Variants in FAT3 observed in about 807,000 individuals in gnomAD.
FAT3 encodes the protein protocadherin Fat 3.
A neutral mutation model predicts 310.2 loss-of-function variants in FAT3; 95 were observed. That is an observed-to-expected ratio of 0.31 (90% CI 0.26 to 0.36). The LOEUF is 0.36. Among genes scored for constraint, FAT3 ranks in the 10% least tolerant of loss-of-function variants. The pLI is 1.00. For synonymous variants in FAT3, 2,314 were observed against 2,192.9 expected (o/e 1.06, Z -1.54); for missense variants, 5,408 against 5,715.6 (o/e 0.95, Z 1.74).
intron 4 of FAT3, among the ~76,000 whole-genome samples, chr11:92,720,961 A>T (rs74933799): frequency 0.012 from 1,810 of 152,250 alleles, 41 homozygotes; most frequent in African/African-American, 0.041. Context: ...CTTTTATTTA[A>T]GTTCAGTGGT....
At chr11:92,569,414 T>C (rs1447405735) in intron 3 of FAT3, among the ~76,000 whole-genome samples, 1 of 152,174 alleles carries the variant, frequency 6.6e-6, no homozygotes, top group Non-Finnish European at 1.5e-5. Flanking sequence ...TCAGCCAAAG[T>C]ATAAATGACA....
chr11:92,767,541 C>T (rs186630048), intron 6 of FAT3, among the ~76,000 whole-genome samples: 23 of 152,274 alleles, frequency 1.5e-4, no homozygotes, highest in African/African-American at 5.3e-4. Flanking sequence ...ATCCTACTGG[C>T]ATGCCTTTCT....
intron 2 of FAT3, among the ~76,000 whole-genome samples, chr11:92,386,620 G>A (rs1162327606): frequency 6.6e-6 from 1 of 152,214 alleles, no homozygotes; most frequent in African/African-American, 2.4e-5. Flanking sequence ...TTGAATGAAT[G>A]GATGTCAGTC....
At position 92,431,271 on chromosome 11, in the gene FAT3, G is replaced by A. The variant is rs1311729604; in HGVS notation, c.3292+75867G>A. ...TTTCTCTGACGGCCAGTGATGATGA[G>A]CATTTTTTCATGTGTCTTTTGGCTG... On this transcript the variant is annotated intron_variant, in intron 2 of 27. Coordinates refer to ENST00000525166, the MANE Select transcript of FAT3 (RefSeq NM_001367949.2). Among the ~76,000 whole-genome samples the A allele has an allele frequency of 3.3e-5, 5 of 152,266 alleles. No individual in the cohort carries two copies. In the East Asian group the frequency reaches 7.7e-4, roughly 23 times the overall value.
intron 6 of FAT3, among the ~76,000 whole-genome samples, chr11:92,771,885 G>A (rs1211195760): frequency 6.6e-6 from 1 of 152,072 alleles, no homozygotes; most frequent in Non-Finnish European, 1.5e-5. Context: ...CGATGATTAT[G>A]TATTTTTATA....
chr11:92,241,915 G>A (rs998078781), intron 1 of FAT3, among the ~76,000 whole-genome samples: 1 of 152,098 alleles, frequency 6.6e-6, no homozygotes, highest in East Asian at 1.9e-4. Context: ...TTACACACCT[G>A]TAGATACAAA....
rs112455935 is a variant in FAT3, at chr11:92,284,083, A to G, written c.-18+58909A>G. ...TCCTCAGAACCAAGCACAGCATAGG[A>G]TAAGCCTCAATAAATGTAGGGTGAA... On this transcript the variant is annotated intron_variant, in intron 1 of 27. Transcript: ENST00000525166. Among the ~76,000 whole-genome samples the G allele has an allele frequency of 9.1e-3, 1,385 of 152,248 alleles. 10 individuals carry two copies. The highest frequency in any genetic ancestry group is 0.031 in the African/African-American group (1,303 of 41,552).
intron 2 of FAT3, among the ~76,000 whole-genome samples, chr11:92,475,900 C>G (rs1184162923): frequency 2.6e-5 from 4 of 152,016 alleles, no homozygotes; most frequent in African/African-American, 9.7e-5. Flanking sequence ...ATGGAGAGAG[C>G]AGGTCATAAA....
chr11:92,728,865 G>A (rs1467034195), intron 4 of FAT3, among the ~76,000 whole-genome samples: 1 of 152,156 alleles, frequency 6.6e-6, no homozygotes, highest in African/African-American at 2.4e-5. Flanking sequence ...AAGGACATTA[G>A]TGATGTCATC....
intron 2 of FAT3, among the ~76,000 whole-genome samples, chr11:92,452,599 A>G (rs1422092161): frequency 6.6e-6 from 1 of 152,162 alleles, no homozygotes; most frequent in Non-Finnish European, 1.5e-5. Context: ...CACATACCCT[A>G]TAGGGATGGT....
chr11:92,244,991 G>A (rs1371663511), intron 1 of FAT3, among the ~76,000 whole-genome samples: 1 of 152,062 alleles, frequency 6.6e-6, no homozygotes, highest in African/African-American at 2.4e-5. Context: ...CCATTACTGG[G>A]TATATACCCA....
At chr11:92,809,108 A>G (rs1947592097) in intron 12 of FAT3, among the ~76,000 whole-genome samples, 1 of 152,180 alleles carries the variant, frequency 6.6e-6, no homozygotes, top group African/African-American at 2.4e-5. Flanking sequence ...CAACAAAAAT[A>G]TCTCCACAAA....
intron 2 of FAT3, among the ~76,000 whole-genome samples, chr11:92,357,998 TAAA>T (rs1324054781): frequency 8.3e-6 from 1 of 120,322 alleles, no homozygotes; most frequent in Non-Finnish European, 1.7e-5. Context: ...GTGGAATTCC[TAAA>T]AAAAAAAAAA....
At chr11:92,227,749 CTTCT>C (rs1283120770) in intron 1 of FAT3, among the ~76,000 whole-genome samples, 6 of 88,224 alleles carry the variant, frequency 6.8e-5, no homozygotes, top group Non-Finnish European at 1.3e-4. Flanking sequence ...TTTCTTTCTT[CTTCT>C]TTTTTTTTTT....
intron 2 of FAT3, among the ~76,000 whole-genome samples, chr11:92,441,690 CTG>C (rs1385740828): frequency 1.3e-5 from 2 of 152,142 alleles, no homozygotes; most frequent in African/African-American, 4.8e-5. Context: ...AGAGGAGTCT[CTG>C]TTTAAAACAC....
At chr11:92,404,936 A>G (rs926751640) in intron 2 of FAT3, among the ~76,000 whole-genome samples, 1 of 151,946 alleles carries the variant, frequency 6.6e-6, no homozygotes, top group Admixed American at 6.6e-5. Context: ...AACTTATACC[A>G]TTGGCTTCCC....
At chr11:92,718,884 A>G (rs187176691) in intron 4 of FAT3, among the ~76,000 whole-genome samples, 174 of 152,296 alleles carry the variant, frequency 1.1e-3, no homozygotes, top group African/African-American at 4.0e-3. Context: ...ATAATCTTAA[A>G]TTTTAATGAC....
intron 1 of FAT3, among the ~76,000 whole-genome samples, chr11:92,244,516 T>C (rs1192431210): frequency 6.6e-6 from 1 of 152,110 alleles, no homozygotes; most frequent in Non-Finnish European, 1.5e-5. Context: ...TAGTTGGAAA[T>C]ACTAATTTAC....
intron 2 of FAT3, among the ~76,000 whole-genome samples, chr11:92,417,155 A>G (rs1304112021): frequency 6.6e-6 from 1 of 152,204 alleles, no homozygotes; most frequent in East Asian, 1.9e-4. Flanking sequence ...TTAAGAATCC[A>G]TGGTGATTTT....
Sources: gnomAD v4.1 joint callset for allele counts (sites outside exome capture counted in the v4.1 genomes callset) on GRCh38, gnomAD v4.1.1 for gene constraint, MANE v1.5 for transcripts, NCBI Gene and HGNC (gene_info 2026-07-23, HGNC 2026-07-21) for gene names.